The following SYNE1 variants were observed in gnomAD, a reference collection of about 807,000 sequenced individuals.
SYNE1 encodes spectrin repeat containing nuclear envelope protein 1.
In SYNE1, 616 loss-of-function variants were observed where a neutral mutation model predicts 1,111.0. The observed-to-expected ratio is 0.55, with a 90% CI of 0.52 to 0.59. SYNE1 has a LOEUF of 0.59. SYNE1 is among the 20% of genes least tolerant of loss of function. SYNE1 has a pLI of 0.00. For missense variants in SYNE1, 10,006 were observed against 10,417.0 expected (o/e 0.96, Z 1.72); for synonymous variants, 3,855 against 3,825.8 (o/e 1.01, Z -0.28).
intron 47 of SYNE1, 118 bp from the exon 48 acceptor site, chr6:152,399,941 G>A: frequency 8.5e-7 from 1 of 1,179,784 alleles, no homozygotes; most frequent in Non-Finnish European, 1.2e-6. Context: ...ACTCCATGGT[G>A]TATACATTTT....
intron 145 of SYNE1, among the ~76,000 whole-genome samples, chr6:152,123,285 C>T (rs982904349): frequency 1.3e-5 from 2 of 152,134 alleles, no homozygotes; most frequent in Non-Finnish European, 2.9e-5. Context: ...CAAAGCTGTA[C>T]GAACAAGGAA....
chr6:152,430,273 A>AT lies in SYNE1; in HGVS notation c.4690-64_4690-63insA, dbSNP rs371226845. ...AGATACATAGCAAGACAAAAAAAAA[A>AT]GTTACTGAGAAAATGGCATACCTAC... On this transcript the variant is annotated intron_variant, in intron 35 of 145. Transcript: ENST00000367255. 2.2e-6 allele frequency: 3 copies of AT among 1,371,070 alleles called. No individual in the cohort carries two copies. The African/African-American group carries it at 4.3e-5, about 20-fold the overall frequency. 84.9% of individuals were successfully genotyped at this position (1,371,070 alleles called of 1,614,324 possible).
chr6:152,200,852 C>CT (rs2075269069), intron 127 of SYNE1, among the ~76,000 whole-genome samples: 1 of 152,164 alleles, frequency 6.6e-6, no homozygotes, highest in African/African-American at 2.4e-5. Context: ...CTAAATCTGC[C>CT]TTTTTCAAGT....
At chr6:152,329,613 G>A (rs1273987418) in intron 78 of SYNE1, 117 bp downstream of exon 78, 11 of 1,278,462 alleles carry the variant, frequency 8.6e-6, no homozygotes, top group Non-Finnish European at 1.2e-5. Context: ...ATGCTTCTGT[G>A]TAGTATTTCG....
At chr6:152,237,402 T>C (rs1176787403) in intron 108 of SYNE1, among the ~76,000 whole-genome samples, 1 of 150,490 alleles carries the variant, frequency 6.6e-6, no homozygotes, top group East Asian at 2.0e-4. Flanking sequence ...CTCGAACTCC[T>C]GGGCTCAAGG....
chr6:152,635,331 C>T (rs899632878), intron 2 of SYNE1, among the ~76,000 whole-genome samples: 4 of 152,168 alleles, frequency 2.6e-5, no homozygotes. Context: ...CAGTCTGAAG[C>T]TGTTTCTTAA....
chr6:152,167,895 A>T, intron 130 of SYNE1: 1 of 748,072 alleles, frequency 1.3e-6, no homozygotes, highest in Non-Finnish European at 2.5e-6. Flanking sequence ...AAAGTCCATT[A>T]ACCTTTTTGT....
At chr6:152,462,992 T>C in intron 19 of SYNE1, 102 bp from the exon 20 acceptor site, 1 of 1,354,844 alleles carries the variant, frequency 7.4e-7, no homozygotes. Context: ...TGTTATCCGG[T>C]AAGAAAGACT....
chr6:152,295,205 G>A (rs2094811017), intron 93 of SYNE1, among the ~76,000 whole-genome samples: 2 of 152,110 alleles, frequency 1.3e-5, no homozygotes, highest in African/African-American at 2.4e-5. Flanking sequence ...AATCTTGGGT[G>A]GGATTGAGGA....
intron 130 of SYNE1, among the ~76,000 whole-genome samples, chr6:152,171,448 T>C (rs192426474): frequency 4.1e-4 from 62 of 152,318 alleles, no homozygotes; most frequent in African/African-American, 1.3e-3. Flanking sequence ...CAAGGTTAGA[T>C]ACACTTACAT....
Position 152,220,845 on chromosome 6 carries a change from G to A in SYNE1, c.21858C>T (p.Cys7286=). 1 of 1,613,464 alleles carries A rather than the reference G, an allele frequency of 6.2e-7. No homozygotes were observed. Among genetic ancestry groups the A allele is most frequent in the Non-Finnish European group, 8.5e-7 (1 of 1,179,784 alleles). Reference sequence around the variant, plus strand: ...ACAAGGTAGCTCCTGAACATACGTTGCAATCTTGAATCCATGTGGCAACCT... The same window carrying A: ...ACAAGGTAGCTCCTGAACATACGTTACAATCTTGAATCCATGTGGCAACCT... ...DDEVATWIQD[C]NDLLKGLGTV... Residue 7286 remains cysteine, a synonymous_variant, in exon 119 of 146, where the codon TGC becomes TGT. Transcript: ENST00000367255.
At chr6:152,561,150 T>C (rs1055786573) in intron 3 of SYNE1, among the ~76,000 whole-genome samples, 1 of 152,162 alleles carries the variant, frequency 6.6e-6, no homozygotes, top group African/African-American at 2.4e-5. Context: ...CAGATGACAT[T>C]ATCTCAAATA....
Position 152,225,866 on chromosome 6 carries a change from T to C in SYNE1, c.21206A>G (p.Asp7069Gly). 6.2e-7 allele frequency: 1 copy of C among 1,613,304 alleles called. No individual in the cohort carries two copies. Among genetic ancestry groups the C allele is most frequent in the Non-Finnish European group, 8.5e-7 (1 of 1,179,856 alleles). The part of the protein sequence containing the change: ...NALKDCQDLE[D>G]LIKAKEKEVE... ...TTCTTTTTCTTTTGCTTTAATCAAA[T>C]CTTCCAGATCCTGAAAGATTTAAAA... The change falls in exon 116 of 146, where the codon GAT becomes GGT. Residue 7069 changes from aspartate to glycine, a missense_variant. Around this residue, in one of 7 missense-constraint regions of SYNE1, gnomAD observed 2,182 missense variants for 2,287.8 expected, o/e 0.95. Transcript: ENST00000367255.
chr6:152,522,836 C>G (rs906758618), intron 5 of SYNE1, among the ~76,000 whole-genome samples: 1 of 151,446 alleles, frequency 6.6e-6, no homozygotes, highest in South Asian at 2.1e-4. Flanking sequence ...ATGTGTATTA[C>G]TTATTTGTAT....
At chr6:152,158,524 C>T (rs182008886) in intron 131 of SYNE1, among the ~76,000 whole-genome samples, 14 of 152,096 alleles carry the variant, frequency 9.2e-5, no homozygotes, top group East Asian at 1.9e-4. Context: ...AGACACTAGA[C>T]GATAAATTTT....
intron 136 of SYNE1, 113 bp downstream of exon 136, chr6:152,149,364 T>C: frequency 7.8e-7 from 1 of 1,283,552 alleles, no homozygotes; most frequent in Admixed American, 1.8e-5. Context: ...GGACTTGAAC[T>C]CAGGTGCTCC....
At chr6:152,548,409 G>C (rs1034092532) in intron 3 of SYNE1, among the ~76,000 whole-genome samples, 2 of 152,138 alleles carry the variant, frequency 1.3e-5, no homozygotes, top group African/African-American at 4.8e-5. Context: ...CAGAATGGCT[G>C]GACCACAATT....
At chr6:152,522,204 C>T (rs1564620458) in intron 5 of SYNE1, among the ~76,000 whole-genome samples, 1 of 152,042 alleles carries the variant, frequency 6.6e-6, no homozygotes, top group East Asian at 1.9e-4. Flanking sequence ...ATCCCTCACC[C>T]CTCTCTTACC....
intron 4 of SYNE1, among the ~76,000 whole-genome samples, chr6:152,528,035 A>T (rs1378185664): frequency 6.6e-6 from 1 of 152,148 alleles, no homozygotes; most frequent in Admixed American, 6.5e-5. Flanking sequence ...GCCCCTCTGC[A>T]TGGGACATTG....
Sources: gnomAD v4.1 joint callset for allele counts (sites outside exome capture counted in the v4.1 genomes callset) on GRCh38, gnomAD v4.1.1 for gene constraint, gnomAD v4.1.1 regional missense constraint, MANE v1.5 for transcripts, NCBI Gene and HGNC (gene_info 2026-07-23, HGNC 2026-07-21) for gene names.